The following KCNIP4 variants were observed in gnomAD, a reference collection of about 807,000 sequenced individuals.
The protein encoded by KCNIP4 is Kv channel-interacting protein 4.
Under a neutral mutation model 34.0 loss-of-function variants are expected in KCNIP4, and 12 were observed. The ratio of observed to expected loss-of-function variants is 0.35; its 90% CI spans 0.23 to 0.57. The LOEUF (loss-of-function observed/expected upper bound fraction) is 0.57. KCNIP4 is among the 20% of genes least tolerant of loss of function. The pLI, the probability that KCNIP4 is intolerant of heterozygous loss-of-function variation, is 0.83. For missense variants in KCNIP4, 238 were observed against 311.7 expected (o/e 0.76, Z 1.78); for synonymous variants, 124 against 102.2 (o/e 1.21, Z -1.29).
intron 4 of KCNIP4, among the ~76,000 whole-genome samples, chr4:20,756,037 A>G (rs1337892004): frequency 1.3e-5 from 2 of 152,126 alleles, no homozygotes; most frequent in African/African-American, 2.4e-5. Context: ...CTTGCATTTT[A>G]ACGGGATCAC....
chr4:21,589,264 A>ATATACATATATC (rs1221997723), intron 1 of KCNIP4, among the ~76,000 whole-genome samples: 1 of 130,380 alleles, frequency 7.7e-6, no homozygotes, highest in African/African-American at 3.3e-5. Context: ...GTATCTATAC[A>ATATACATATATC]GATACATATA....
chr4:21,473,194 G>T (rs112171116), intron 1 of KCNIP4, among the ~76,000 whole-genome samples: 32 of 152,288 alleles, frequency 2.1e-4, no homozygotes, highest in Non-Finnish European at 3.7e-4. Flanking sequence ...TACTTTTGCT[G>T]CTGTAAGACA....
chr4:20,954,923 G>A (rs771001518), intron 1 of KCNIP4, among the ~76,000 whole-genome samples: 10 of 152,226 alleles, frequency 6.6e-5, no homozygotes, highest in East Asian at 1.9e-4. Flanking sequence ...TTCAACCTCC[G>A]TCTTCAGGGT....
intron 1 of KCNIP4, among the ~76,000 whole-genome samples, chr4:21,224,823 A>G (rs1758254850): frequency 6.6e-6 from 1 of 151,618 alleles, no homozygotes; most frequent in Non-Finnish European, 1.5e-5. Flanking sequence ...CTGACCTCAA[A>G]TGATCCACCC....
At chr4:21,776,194 C>A (rs1719166843) in intron 1 of KCNIP4, among the ~76,000 whole-genome samples, 1 of 152,218 alleles carries the variant, frequency 6.6e-6, no homozygotes, top group Non-Finnish European at 1.5e-5. Flanking sequence ...GGTTCCCCTT[C>A]CCCGTGTGGC....
At chr4:21,705,068 G>A (rs79605185) in intron 1 of KCNIP4, among the ~76,000 whole-genome samples, 8,539 of 152,128 alleles carry the variant, frequency 0.056, 361 homozygotes, top group Non-Finnish European at 0.084. Context: ...ACACAATTTA[G>A]ATGGCTTTCA....
chr4:21,453,790 T>C (rs1424026449), intron 1 of KCNIP4, among the ~76,000 whole-genome samples: 1 of 152,114 alleles, frequency 6.6e-6, no homozygotes, highest in Non-Finnish European at 1.5e-5. Context: ...GCAATGCCCA[T>C]CTCCTTTCAG....
At chr4:21,358,165 G>A (rs936135912) in intron 1 of KCNIP4, among the ~76,000 whole-genome samples, 2 of 152,112 alleles carry the variant, frequency 1.3e-5, no homozygotes, top group Admixed American at 1.3e-4. Context: ...AGCGGGGCCT[G>A]TCAGGTGGTG....
intron 1 of KCNIP4, among the ~76,000 whole-genome samples, chr4:21,936,375 CT>C (rs1729862105): frequency 6.6e-6 from 1 of 152,064 alleles, no homozygotes; most frequent in South Asian, 2.1e-4. Flanking sequence ...TTTGCTCTTC[CT>C]TGTCTTCTAC....
chr4:21,502,533 T>A (rs940314618), intron 1 of KCNIP4, among the ~76,000 whole-genome samples: 2 of 152,156 alleles, frequency 1.3e-5, no homozygotes, highest in African/African-American at 4.8e-5. Flanking sequence ...AAATTTATTT[T>A]TTTTCTCAGA....
chr4:21,647,208 T>C (rs1747085241), intron 1 of KCNIP4, among the ~76,000 whole-genome samples: 2 of 152,126 alleles, frequency 1.3e-5, no homozygotes, highest in African/African-American at 2.4e-5. Context: ...ATACTATATT[T>C]ATTAACCTTA....
At chr4:21,932,174 G>A (rs1323891762) in intron 1 of KCNIP4, among the ~76,000 whole-genome samples, 1 of 152,100 alleles carries the variant, frequency 6.6e-6, no homozygotes, top group African/African-American at 2.4e-5. Context: ...AGTACCATGA[G>A]TATCTAATGT....
intron 1 of KCNIP4, chr4:21,843,509 C>T (rs1311644502): frequency 6.6e-6 from 1 of 151,972 alleles, no homozygotes; most frequent in African/African-American, 2.4e-5. Flanking sequence ...TCTGACCTTC[C>T]CTTGAAGTGG....
chr4:21,863,273 T>TA (rs1466777334), intron 1 of KCNIP4, among the ~76,000 whole-genome samples: 7 of 151,814 alleles, frequency 4.6e-5, no homozygotes, highest in Non-Finnish European at 8.8e-5. Context: ...TTTTTTTTTT[T>TA]TTTGGCAGAT....
intron 1 of KCNIP4, among the ~76,000 whole-genome samples, chr4:21,041,760 T>C (rs1741982987): frequency 6.6e-6 from 1 of 152,158 alleles, no homozygotes. Context: ...GGAGAAATCA[T>C]GAGGGCATAA....
chr4:21,547,087 T>G (rs887974618), intron 1 of KCNIP4, among the ~76,000 whole-genome samples: 3 of 152,140 alleles, frequency 2.0e-5, no homozygotes, highest in Non-Finnish European at 4.4e-5. Context: ...GATCAAACCA[T>G]GCCCCTGAGA....
At chr4:21,300,762 T>A (rs1005839883) in intron 1 of KCNIP4, among the ~76,000 whole-genome samples, 3 of 152,150 alleles carry the variant, frequency 2.0e-5, no homozygotes, top group Admixed American at 6.5e-5. Context: ...ACCATTATAC[T>A]GTATATCAAT....
At chr4:21,889,158 T>A (rs1449332774) in intron 1 of KCNIP4, among the ~76,000 whole-genome samples, 1 of 152,150 alleles carries the variant, frequency 6.6e-6, no homozygotes. Flanking sequence ...CCACAGGTTA[T>A]CCACACAGGT....
intron 1 of KCNIP4, among the ~76,000 whole-genome samples, chr4:21,300,540 A>T (rs1401720115): frequency 1.5e-4 from 23 of 151,660 alleles, no homozygotes; most frequent in Admixed American, 1.5e-3. Flanking sequence ...TTAATAAATG[A>T]GTTAATAAAT....
Sources: gnomAD v4.1 joint callset for allele counts (sites outside exome capture counted in the v4.1 genomes callset) on GRCh38, gnomAD v4.1.1 for gene constraint, MANE v1.5 for transcripts, NCBI Gene and HGNC (gene_info 2026-07-23, HGNC 2026-07-21) for gene names.